The following SEL1L3 variants were observed in gnomAD, a reference collection of about 807,000 sequenced individuals.
SEL1L3 encodes SEL1L family member 3, also known as protein sel-1 homolog 3.
A neutral mutation model predicts 142.8 loss-of-function variants in SEL1L3; 76 were observed. The observed-to-expected ratio is 0.53, with a 90% CI of 0.44 to 0.64. The LOEUF (loss-of-function observed/expected upper bound fraction) is 0.64, where lower values mean the gene tolerates loss of function less well. Among genes scored for constraint, SEL1L3 ranks in the 30% least tolerant of loss-of-function variants. SEL1L3 has a pLI of 0.00. For missense variants in SEL1L3, 1,262 were observed against 1,381.7 expected (o/e 0.91, Z 1.37); for synonymous variants, 504 against 519.6 (o/e 0.97, Z 0.41).
At chr4:25,739,760 A>ATG in the SEL1L3 span, among the ~76,000 whole-genome samples, 2,141 of 146,490 alleles carry the variant, frequency 0.015, 21 homozygotes, top group Non-Finnish European at 0.015. Context: ...AGAAAAAATA[A>ATG]TGTGTGTGTG....
intron 11 of SEL1L3, among the ~76,000 whole-genome samples, chr4:25,798,866 A>AG (rs1712978624): frequency 6.6e-6 from 1 of 152,076 alleles, no homozygotes; most frequent in Admixed American, 6.6e-5. Flanking sequence ...ACCGGGGAGG[A>AG]GGGGGTCTCC....
At chr4:25,783,720 G>A (rs1263879845) in intron 14 of SEL1L3, among the ~76,000 whole-genome samples, 2 of 152,210 alleles carry the variant, frequency 1.3e-5, no homozygotes, top group Non-Finnish European at 2.9e-5. Flanking sequence ...TAGCTGACTT[G>A]AAGATACCAC....
chr4:25,793,812 C>G (rs890719563), intron 11 of SEL1L3, among the ~76,000 whole-genome samples: 1 of 152,200 alleles, frequency 6.6e-6, no homozygotes, highest in Non-Finnish European at 1.5e-5. Flanking sequence ...GACCTAGGTT[C>G]AAATCTAGGC....
At chr4:25,838,622 T>C (rs1044138625) in intron 2 of SEL1L3, among the ~76,000 whole-genome samples, 1 of 152,198 alleles carries the variant, frequency 6.6e-6, no homozygotes, top group Admixed American at 6.5e-5. Flanking sequence ...GGTTTGATAA[T>C]TGATGTCACC....
Position 25,833,586 on chromosome 4 carries a change from G to GA in SEL1L3, c.861-18dup. The GA allele has an allele frequency of 6.3e-7, 1 of 1,587,052 alleles. No individual in the cohort carries two copies. The highest frequency in any genetic ancestry group is 1.2e-5 in the South Asian group (1 of 85,980). On this transcript the variant is annotated splice_polypyrimidine_tract_variant and intron_variant, in intron 3 of 23. Transcript: ENST00000399878. The stretch of plus-strand genomic sequence containing the variant: ...ACAGTAAACCTATAAGAGTGAGGGG[G>GA]AAAAAAATTCTGCAGATTGATATCA...
At chr4:25,800,451 T>C (rs2109216113) in intron 11 of SEL1L3, among the ~76,000 whole-genome samples, 1 of 152,364 alleles carries the variant, frequency 6.6e-6, no homozygotes, top group South Asian at 2.1e-4. Context: ...AATTAAATGT[T>C]TTCTTTCGCA....
At chr4:25,715,443 G>T in the SEL1L3 span, among the ~76,000 whole-genome samples, 1 of 152,118 alleles carries the variant, frequency 6.6e-6, no homozygotes, top group African/African-American at 2.4e-5. Flanking sequence ...TATTGTCCAT[G>T]GTAGAGGAAA....
intron 17 of SEL1L3, among the ~76,000 whole-genome samples, chr4:25,769,301 T>C (rs958211487): frequency 1.3e-5 from 2 of 152,094 alleles, no homozygotes; most frequent in African/African-American, 4.8e-5. Context: ...TTAGGATAGT[T>C]AGACCTTCAG....
downstream of SEL1L3, among the ~76,000 whole-genome samples, chr4:25,744,322 G>A (rs973824265): frequency 6.7e-5 from 10 of 149,824 alleles, no homozygotes; most frequent in East Asian, 9.9e-4. Context: ...AGTTAATTAA[G>A]GTAAAATGAG....
chr4:25,784,736 C>T (rs1280040585), intron 13 of SEL1L3, among the ~76,000 whole-genome samples: 1 of 152,232 alleles, frequency 6.6e-6, no homozygotes, highest in Admixed American at 6.5e-5. Flanking sequence ...CAGGGTGGAA[C>T]ATTGTTGCTT....
In SEL1L3 at chr4:25,835,212, C is replaced by T. The variant is rs372621242; in HGVS notation, c.845G>A (p.Arg282Lys). 42 of 1,613,898 alleles carry T rather than the reference C, an allele frequency of 2.6e-5. No homozygotes were observed. Among genetic ancestry groups the T allele is most frequent in the Non-Finnish European group, 3.4e-5 (40 of 1,179,888 alleles). ...NRELEATRRQ[R>K]MDYPVFTVSL... The stretch of plus-strand genomic sequence containing the variant: ...CCATCCTTACACTGGGTAATCCATC[C>T]TCTGGCGTCGAGTGGCCTCCAGCTC... The change falls in exon 3 of 24, where the codon AGG (arginine) becomes AAG (lysine). Residue 282 changes from arginine (R) to lysine (K), a missense_variant. Around this residue, in one of 3 missense-constraint regions of SEL1L3, gnomAD observed 689 missense variants for 692.8 expected, o/e 0.99. Coordinates refer to ENST00000399878, the MANE Select transcript of SEL1L3 (RefSeq NM_015187.5).
intron 21 of SEL1L3, among the ~76,000 whole-genome samples, chr4:25,758,286 C>T (rs186258884): frequency 1.9e-3 from 289 of 152,232 alleles, no homozygotes; most frequent in Non-Finnish European, 2.9e-3. Flanking sequence ...GCCTAGCCAT[C>T]ATGGTGAAAC....
At chr4:25,820,860 A>G (rs1254997761) in intron 7 of SEL1L3, among the ~76,000 whole-genome samples, 5 of 152,096 alleles carry the variant, frequency 3.3e-5, no homozygotes, top group Admixed American at 6.5e-5. Context: ...GGCTCACTGC[A>G]ACCTCTGCCT....
At chr4:25,844,279 C>T (rs1437700833) in intron 2 of SEL1L3, among the ~76,000 whole-genome samples, 1 of 152,234 alleles carries the variant, frequency 6.6e-6, no homozygotes, top group Admixed American at 6.5e-5. Context: ...TTCCATGGGA[C>T]TGCTGCAGAC....
intron 11 of SEL1L3, among the ~76,000 whole-genome samples, chr4:25,792,667 C>T (rs1022894027): frequency 1.3e-5 from 2 of 152,134 alleles, no homozygotes; most frequent in African/African-American, 4.8e-5. Context: ...GCTTATTGCA[C>T]TGTAAAAAAG....
At chr4:25,838,733 C>T (rs1407805366) in intron 2 of SEL1L3, among the ~76,000 whole-genome samples, 1 of 152,174 alleles carries the variant, frequency 6.6e-6, no homozygotes, top group African/African-American at 2.4e-5. Flanking sequence ...AAGGCTAGCA[C>T]CCACTGGAGT....
At position 25,790,521 on chromosome 4, in the gene SEL1L3, G is replaced by A; in HGVS notation, c.2010C>T (p.Thr670=). Reference sequence around the variant, plus strand: ...ACATAAAGACATCTCCATCTTCTTTGGTTTGTACCTTGAGTATTTCATCAT... The same window carrying A: ...ACATAAAGACATCTCCATCTTCTTTAGTTTGTACCTTGAGTATTTCATCAT... ...LKDDEILKVQ[T]KEDGDVFMWL... is the part of the protein sequence containing the mutation. The change falls in exon 12 of 24, where the codon ACC becomes ACT. Residue 670 remains threonine (T), a synonymous_variant. Coordinates refer to ENST00000399878, the MANE Select transcript of SEL1L3 (RefSeq NM_015187.5). The A allele has an allele frequency of 1.2e-6, 2 of 1,612,686 alleles. No individual in the cohort carries two copies. The highest frequency in any genetic ancestry group is 2.2e-5 in the South Asian group (2 of 91,000).
chr4:25,774,246 C>T (rs1332820363), intron 17 of SEL1L3, among the ~76,000 whole-genome samples: 1 of 152,212 alleles, frequency 6.6e-6, no homozygotes, highest in African/African-American at 2.4e-5. Context: ...GAGAACCTGC[C>T]TGCAGAAGAG....
chr4:25,776,520 C>T (rs1719641975), intron 16 of SEL1L3, 160 bp from the exon 17 acceptor site: 1 of 580,058 alleles, frequency 1.7e-6, no homozygotes, highest in Non-Finnish European at 3.1e-6. Flanking sequence ...AAAGAAAATG[C>T]ATTCTGAGAG....
Sources: gnomAD v4.1 joint callset for allele counts (sites outside exome capture counted in the v4.1 genomes callset) on GRCh38, gnomAD v4.1.1 for gene constraint, gnomAD v4.1.1 regional missense constraint, MANE v1.5 for transcripts, NCBI Gene and HGNC (gene_info 2026-07-23, HGNC 2026-07-21) for gene names.